GALNT13: variants seen among roughly 807,000 people sequenced by gnomAD.
GALNT13 encodes polypeptide N-acetylgalactosaminyltransferase 13.
In GALNT13, 28 loss-of-function variants were observed where a neutral mutation model predicts 64.2. That is an observed-to-expected ratio of 0.44 (90% CI 0.32 to 0.60). The LOEUF (loss-of-function observed/expected upper bound fraction) is 0.60. GALNT13 is among the 20% of genes least tolerant of loss of function. GALNT13 has a pLI of 0.05. For synonymous variants in GALNT13, 214 were observed against 224.6 expected (o/e 0.95, Z 0.42); for missense variants, 577 against 669.8 (o/e 0.86, Z 1.53).
the GALNT13 span, chr2:153,478,425 G>A: frequency 1.2e-6 from 2 of 1,614,032 alleles, no homozygotes; most frequent in Non-Finnish European, 1.7e-6. Flanking sequence ...GGCTACGCTC[G>A]TCCGGGCCTC....
At chr2:153,825,526 C>T in the GALNT13 span, among the ~76,000 whole-genome samples, 5,268 of 151,828 alleles carry the variant, frequency 0.035, 119 homozygotes, top group South Asian at 0.06. Flanking sequence ...AATGTCTCAT[C>T]CTTGGTCTCT....
intron 3 of GALNT13, among the ~76,000 whole-genome samples, chr2:153,999,069 C>CA (rs1558898757): frequency 6.6e-6 from 1 of 151,880 alleles, no homozygotes; most frequent in Non-Finnish European, 1.5e-5. Flanking sequence ...CATGTGGCAC[C>CA]AAAAAAGAGC....
rs1318385027 is a variant in GALNT13 at position 154,219,778 on chromosome 2, T to C, written c.312-22252T>C. On this transcript the variant is annotated intron_variant, in intron 4 of 12. Transcript: ENST00000392825. ...GCCATGGTTAGGTCCTATTCCCTGA[T>C]GAAGAATGCCAGTCTCCACCTGGGA... Among the ~76,000 whole-genome samples, 4 of 152,178 alleles carry C rather than the reference T, an allele frequency of 2.6e-5. No homozygotes were observed. The South Asian group carries it at 6.2e-4, about 24-fold the overall frequency.
chr2:153,471,013 T>TCA, the GALNT13 span, among the ~76,000 whole-genome samples: 95 of 152,192 alleles, frequency 6.2e-4, no homozygotes, highest in Non-Finnish European at 1.1e-3. Flanking sequence ...AGTTTGAATA[T>TCA]GTAAAGTGGA....
At chr2:153,973,091 G>A (rs1044922794) in intron 3 of GALNT13, among the ~76,000 whole-genome samples, 2 of 151,898 alleles carry the variant, frequency 1.3e-5, no homozygotes, top group African/African-American at 2.4e-5. Context: ...TATGTAAAGA[G>A]GGGTTAGTCG....
At chr2:153,334,954 G>A in the GALNT13 span, among the ~76,000 whole-genome samples, 1 of 152,150 alleles carries the variant, frequency 6.6e-6, no homozygotes, top group Admixed American at 6.5e-5. Context: ...GGGACCCAGG[G>A]AGAGATAATT....
intron 10 of GALNT13, among the ~76,000 whole-genome samples, chr2:154,404,543 C>G (rs980078178): frequency 6.6e-6 from 1 of 152,132 alleles, no homozygotes; most frequent in Non-Finnish European, 1.5e-5. Flanking sequence ...CAGGATAACA[C>G]CCAATTTTCT....
At chr2:153,920,015 A>G (rs1214234618) in intron 2 of GALNT13, among the ~76,000 whole-genome samples, 1 of 148,044 alleles carries the variant, frequency 6.8e-6, no homozygotes, top group East Asian at 2.0e-4. Flanking sequence ...TAACAGTTAT[A>G]TATATTATAT....
chr2:153,436,287 C>G, the GALNT13 span, among the ~76,000 whole-genome samples: 1 of 152,160 alleles, frequency 6.6e-6, no homozygotes, highest in East Asian at 1.9e-4. Context: ...GTCTAAAATT[C>G]TCTTTTTTTG....
At chr2:154,274,757 G>T (rs1160327323) in intron 8 of GALNT13, among the ~76,000 whole-genome samples, 1 of 152,030 alleles carries the variant, frequency 6.6e-6, no homozygotes, top group Non-Finnish European at 1.5e-5. Context: ...ACAGTAAATT[G>T]GTACTGGGGG....
the GALNT13 span, among the ~76,000 whole-genome samples, chr2:153,188,523 A>C: frequency 3.9e-5 from 6 of 152,146 alleles, no homozygotes; most frequent in African/African-American, 1.4e-4. Flanking sequence ...TCCATGGAAG[A>C]AACGTGAATC....
At chr2:154,179,311 A>G (rs1335809500) in intron 4 of GALNT13, among the ~76,000 whole-genome samples, 1 of 152,172 alleles carries the variant, frequency 6.6e-6, no homozygotes, top group African/African-American at 2.4e-5. Context: ...TAAATACTCA[A>G]TAAGTATTCC....
the GALNT13 span, among the ~76,000 whole-genome samples, chr2:153,810,207 C>A: frequency 6.6e-6 from 1 of 152,138 alleles, no homozygotes; most frequent in African/African-American, 2.4e-5. Context: ...TCATGATCCA[C>A]CCACTTCAGC....
At chr2:153,252,554 T>C in the GALNT13 span, among the ~76,000 whole-genome samples, 1 of 151,774 alleles carries the variant, frequency 6.6e-6, no homozygotes, top group African/African-American at 2.4e-5. Context: ...CCCATGCCTA[T>C]GTCCTGAATG....
chr2:153,490,686 G>T, the GALNT13 span, among the ~76,000 whole-genome samples: 1 of 152,132 alleles, frequency 6.6e-6, no homozygotes, highest in African/African-American at 2.4e-5. Context: ...TTGGCTGAGC[G>T]CAGTGGCTCA....
At chr2:153,954,602 T>C (rs1445372723) in intron 3 of GALNT13, among the ~76,000 whole-genome samples, 1 of 149,436 alleles carries the variant, frequency 6.7e-6, no homozygotes, top group African/African-American at 2.5e-5. Context: ...TAATTATAGT[T>C]ACTATAATAA....
chr2:153,497,646 T>G, the GALNT13 span, among the ~76,000 whole-genome samples: 1 of 146,368 alleles, frequency 6.8e-6, no homozygotes, highest in Admixed American at 7.1e-5. Flanking sequence ...CAAGCAATTC[T>G]CCTGCCTCAG....
At chr2:154,085,134 G>T (rs1446535380) in intron 3 of GALNT13, among the ~76,000 whole-genome samples, 1 of 151,858 alleles carries the variant, frequency 6.6e-6, no homozygotes, top group Non-Finnish European at 1.5e-5. Flanking sequence ...CCATGAAATC[G>T]AAATATTTGG....
chr2:153,195,924 G>A, the GALNT13 span, among the ~76,000 whole-genome samples: 1 of 152,044 alleles, frequency 6.6e-6, no homozygotes, highest in Non-Finnish European at 1.5e-5. Context: ...TAGCAGAGAG[G>A]GTAGCTCCTC....
Sources: allele counts gnomAD v4.1 joint callset (sites outside exome capture counted in the v4.1 genomes callset), GRCh38; gene constraint gnomAD v4.1.1; transcripts MANE v1.5; gene names NCBI Gene and HGNC (gene_info 2026-07-23, HGNC 2026-07-21).